The following MMRN1 variants were observed in gnomAD, a reference collection of about 807,000 sequenced individuals.
MMRN1 encodes the protein multimerin-1.
In MMRN1, 94 loss-of-function variants were observed where a neutral mutation model predicts 100.7. The ratio of observed to expected loss-of-function variants is 0.93; its 90% confidence interval spans 0.79 to 1.11. The LOEUF (loss-of-function observed/expected upper bound fraction) is 1.11, where lower values mean the gene tolerates loss of function less well. MMRN1 is among the 50% of genes least tolerant of loss of function. The pLI is 0.00. For missense variants in MMRN1, 1,606 were observed against 1,439.1 expected (o/e 1.12, Z -1.88); for synonymous variants, 575 against 505.0 (o/e 1.14, Z -1.86).
At chr4:89,912,541 T>A (rs1560585544) in intron 3 of MMRN1, among the ~76,000 whole-genome samples, 2 of 150,774 alleles carry the variant, frequency 1.3e-5, no homozygotes, top group African/African-American at 4.9e-5. Context: ...CTAATGGAGC[T>A]ATTTTTTTTT....
intron 1 of MMRN1, among the ~76,000 whole-genome samples, chr4:89,888,863 A>G (rs1387957816): frequency 6.6e-6 from 1 of 152,062 alleles, no homozygotes; most frequent in South Asian, 2.1e-4. Flanking sequence ...ACCACATTCT[A>G]TCATAGTTAT....
chr4:89,892,781 A>G (rs1049381788), upstream of MMRN1, among the ~76,000 whole-genome samples: 2 of 152,000 alleles, frequency 1.3e-5, no homozygotes, highest in African/African-American at 2.4e-5. Flanking sequence ...TTGGATAACT[A>G]TTTGTTATCA....
intron 5 of MMRN1, among the ~76,000 whole-genome samples, chr4:89,933,480 ATT>A (rs1167896940): frequency 6.6e-6 from 1 of 152,112 alleles, no homozygotes; most frequent in Non-Finnish European, 1.5e-5. Context: ...ATATTAGTCC[ATT>A]TTTATGCAGC....
At chr4:89,937,892 A>G (rs938862284) in intron 6 of MMRN1, among the ~76,000 whole-genome samples, 1 of 152,088 alleles carries the variant, frequency 6.6e-6, no homozygotes, top group Non-Finnish European at 1.5e-5. Flanking sequence ...TATAAATTGC[A>G]TAATAGTACC....
chr4:89,896,722 A>AAAGCTGTTGC, intron 1 of MMRN1, among the ~76,000 whole-genome samples: 1 of 152,186 alleles, frequency 6.6e-6, no homozygotes, highest in Non-Finnish European at 1.5e-5. Flanking sequence ...TGTTGCTGAT[A>AAAGCTGTTGC]TAAAGGTGAG....
intron 6 of MMRN1, among the ~76,000 whole-genome samples, chr4:89,942,985 T>C (rs1722881491): frequency 6.6e-6 from 1 of 152,112 alleles, no homozygotes; most frequent in Non-Finnish European, 1.5e-5. Flanking sequence ...ATTTGAGAGG[T>C]ATTGGCATGA....
chr4:89,886,915 A>G lies in MMRN1; in HGVS notation c.-249+7313A>G, dbSNP rs146781902. Among the ~76,000 whole-genome samples, 1,041 of 152,194 alleles carry G rather than the reference A, an allele frequency of 6.8e-3. 12 individuals are homozygous for G. Among genetic ancestry groups the G allele is most frequent in the African/African-American group, 0.024 (1,003 of 41,544 alleles). ...AATATACAATGAACTATTGTGAACT[A>G]TAGTCACCCTATTGTGCTACTGAAC... On this transcript the variant is annotated intron_variant, in intron 1 of 8. Transcript: ENST00000394980.
At chr4:89,951,797 A>G (rs1215261161) in intron 7 of MMRN1, 46 bp downstream of exon 7, 2 of 1,579,172 alleles carry the variant, frequency 1.3e-6, no homozygotes, top group South Asian at 1.1e-5. Flanking sequence ...ATTGTCATAA[A>G]TAGAAACACG....
intron 1 of MMRN1, among the ~76,000 whole-genome samples, chr4:89,887,831 G>A (rs1390914115): frequency 5.9e-5 from 9 of 151,510 alleles, no homozygotes; most frequent in African/African-American, 2.2e-4. Context: ...AACTACAAAT[G>A]CTATCAATCT....
chr4:89,939,348 G>C (rs1159163903), intron 6 of MMRN1, among the ~76,000 whole-genome samples: 1 of 151,818 alleles, frequency 6.6e-6, no homozygotes, highest in Non-Finnish European at 1.5e-5. Flanking sequence ...ACAGTATATA[G>C]AAAAAAGCAT....
intron 1 of MMRN1, among the ~76,000 whole-genome samples, chr4:89,884,937 GT>G (rs199954415): frequency 0.023 from 3,564 of 152,004 alleles, 76 homozygotes; most frequent in Non-Finnish European, 0.039. Context: ...AAATATTTTT[GT>G]TTTTTCTTTT....
Position 89,936,250 on chromosome 4 carries a change from A to G in MMRN1, c.2570A>G (p.Asn857Ser). The G allele has an allele frequency of 6.2e-7, 1 of 1,603,430 alleles. No individual in the cohort carries two copies. ...CTCTTAACTACCAAGATTTCCAAAA[A>G]TTTTGAGACTCGGTTGCAAGACATT... The part of the protein sequence containing the change: ...KLLLTTKISK[N>S]FETRLQDIES... The change falls in exon 6 of 8, where the codon AAT (asparagine) becomes AGT (serine). Residue 857 changes from asparagine (N) to serine (S), a missense_variant. Transcript: ENST00000264790.
chr4:89,917,004 C>T lies in MMRN1; in HGVS notation c.850+4954C>T, dbSNP rs1010196357. ...TCAGGATCTTTCCTAGACTGGGTAG[C>T]ACGGAGGGAACTATATCTTGATGAC... is the stretch of plus-strand genomic sequence containing the variant. On this transcript the variant is annotated intron_variant, in intron 3 of 7. Coordinates refer to ENST00000264790, the MANE Select transcript of MMRN1 (RefSeq NM_007351.3). Among the ~76,000 whole-genome samples, 3 of 151,556 alleles carry T rather than the reference C, an allele frequency of 2.0e-5. No homozygotes were observed. The Admixed American group carries it at 2.0e-4, about 10-fold the overall frequency.
At position 89,935,047 on chromosome 4, in the gene MMRN1, T is replaced by C. The variant is rs773167637; in HGVS notation, c.1367T>C (p.Ile456Thr). The C allele has an allele frequency of 3.7e-6, 6 of 1,613,670 alleles. No homozygotes were observed. The highest frequency in any genetic ancestry group is 2.2e-5 in the East Asian group (1 of 44,834). The change falls in exon 6 of 8, where the codon ATA (isoleucine) becomes ACA (threonine). Residue 456 changes from isoleucine to threonine, a missense_variant. Transcript: ENST00000264790. ...VQENRPTLTD[I>T]VELRNHIVNV... ...GAGAATCGGCCCACTTTGACTGATATAGTGGAACTAAGGAATCACATTGTG... is the reference window on the plus strand; with the variant it reads ...GAGAATCGGCCCACTTTGACTGATACAGTGGAACTAAGGAATCACATTGTG...
intron 1 of MMRN1, among the ~76,000 whole-genome samples, chr4:89,887,870 C>G (rs750875036): frequency 4.6e-5 from 7 of 151,616 alleles, no homozygotes; most frequent in Admixed American, 4.6e-4. Flanking sequence ...TGATTTTTAT[C>G]TCAACAGTCA....
At chr4:89,905,834 G>T (rs1206127591) in intron 1 of MMRN1, among the ~76,000 whole-genome samples, 1 of 151,456 alleles carries the variant, frequency 6.6e-6, no homozygotes, top group Non-Finnish European at 1.5e-5. Flanking sequence ...GACTTCTAAT[G>T]AACATCCTCA....
chr4:89,915,640 G>GT (rs1721888322), intron 3 of MMRN1, among the ~76,000 whole-genome samples: 1 of 151,442 alleles, frequency 6.6e-6, no homozygotes, highest in African/African-American at 2.4e-5. Flanking sequence ...TGCTCCTACT[G>GT]TAGACACTTG....
chr4:89,899,095 C>A (rs140157327), intron 1 of MMRN1, among the ~76,000 whole-genome samples: 163 of 151,972 alleles, frequency 1.1e-3, no homozygotes, highest in African/African-American at 3.6e-3. Context: ...TTCTACCATT[C>A]TTGGAATTTT....
chr4:89,920,674 T>A (rs979615309), intron 3 of MMRN1, among the ~76,000 whole-genome samples: 2 of 152,066 alleles, frequency 1.3e-5, no homozygotes, highest in Admixed American at 6.6e-5. Flanking sequence ...GGATTGCAAT[T>A]TTAGTATTAA....
Sources: allele counts gnomAD v4.1 joint callset (sites outside exome capture counted in the v4.1 genomes callset), GRCh38; gene constraint gnomAD v4.1.1; transcripts MANE v1.5; gene names NCBI Gene and HGNC (gene_info 2026-07-23, HGNC 2026-07-21).